MOV10: variants seen among roughly 807,000 people sequenced by gnomAD.
MOV10 encodes the protein RNA helicase MOV-10.
A neutral mutation model predicts 108.4 loss-of-function variants in MOV10; 39 were observed. The observed-to-expected ratio is 0.36, with a 90% CI of 0.28 to 0.47. The LOEUF (loss-of-function observed/expected upper bound fraction) is 0.47. Ranked by LOEUF, MOV10 falls within the 20% of genes least tolerant of loss-of-function variation. The probability of loss-of-function intolerance (pLI) is 1.00; values close to 1 mark genes in which losing one functional copy is unlikely to be tolerated. For missense variants in MOV10, 952 were observed against 1,297.6 expected (o/e 0.73, Z 4.09); for synonymous variants, 490 against 523.1 (o/e 0.94, Z 0.86).
rs573565391 is a variant in MOV10 at position 112,699,340 on chromosome 1, C to T, written c.2584-345C>T. The T allele has an allele frequency of 8.7e-4, 442 of 509,320 alleles. 2 individuals carry two copies. The highest frequency in any genetic ancestry group is 7.8e-3 in the African/African-American group (386 of 49,634). 31.6% of individuals were successfully genotyped at this position (509,320 alleles called of 1,614,324 possible). A position where few individuals can be genotyped will look rare whatever the true frequency, so the allele number is the denominator to read the frequency against. On this transcript the variant is annotated intron_variant, in intron 17 of 20. Coordinates refer to ENST00000369645, the MANE Select transcript of MOV10 (RefSeq NM_001321324.2). ...CTCTTGGAAATTCTGATCGGGGGTCCGGGTTAGGGCCCAGGGTTGTATATT... is the reference window on the plus strand; with the variant it reads ...CTCTTGGAAATTCTGATCGGGGGTCTGGGTTAGGGCCCAGGGTTGTATATT...
At chr1:112,697,923 G>A in intron 14 of MOV10, 71 bp from the exon 15 acceptor site, 1 of 1,293,416 alleles carries the variant, frequency 7.7e-7, no homozygotes, top group East Asian at 2.3e-5. Context: ...CCCAGAGTGG[G>A]TAGAGCGGAG....
intron 2 of MOV10, among the ~76,000 whole-genome samples, chr1:112,682,921 CTTTTTTT>C (rs36031191): frequency 1.5e-5 from 2 of 137,316 alleles, no homozygotes; most frequent in East Asian, 4.2e-4. Flanking sequence ...CTAGGAACAT[CTTTTTTT>C]TTTTTTTTTG....
intron 6 of MOV10, 21 bp from the exon 7 acceptor site, chr1:112,692,740 C>T (rs1673696197): frequency 6.2e-7 from 1 of 1,612,692 alleles, no homozygotes; most frequent in African/African-American, 1.3e-5. Flanking sequence ...CCCACTCACC[C>T]CTCCCAACCA....
intron 6 of MOV10, among the ~76,000 whole-genome samples, chr1:112,692,173 A>G (rs1296291972): frequency 1.3e-5 from 2 of 152,160 alleles, no homozygotes; most frequent in Non-Finnish European, 2.9e-5. Flanking sequence ...TCTACAAAAA[A>G]AAATTTTAAT....
rs1004975455 is a variant in MOV10, at chr1:112,698,650, C to G, written c.2509-65C>G. The stretch of plus-strand genomic sequence containing the variant: ...CTTTGTTCCCCAGCTCCCTGGCCTC[C>G]TGCCAGGCTCCCTCTTGCATTAGGT... On this transcript the variant is annotated intron_variant, in intron 16 of 20. Coordinates refer to ENST00000369645, the MANE Select transcript of MOV10 (RefSeq NM_001321324.2). The G allele has an allele frequency of 3.8e-5, 59 of 1,539,202 alleles. No individual in the cohort carries two copies. The South Asian group carries it at 6.1e-4, about 16-fold the overall frequency.
intron 19 of MOV10, 85 bp downstream of exon 19, chr1:112,700,067 G>A (rs1477393379): frequency 1.6e-5 from 25 of 1,582,290 alleles, no homozygotes; most frequent in South Asian, 1.3e-4. Flanking sequence ...CTTGCTTATC[G>A]CTCAGTTAAT....
intron 7 of MOV10, chr1:112,693,666 GTTT>G (rs56664526): frequency 1.5e-3 from 210 of 137,140 alleles, no homozygotes; most frequent in East Asian, 5.5e-3. Context: ...TGCCTGGTCC[GTTT>G]TTTTTTTTTT....
chr1:112,698,944 G>A (rs1349307590), intron 17 of MOV10, 155 bp downstream of exon 17: 2 of 680,646 alleles, frequency 2.9e-6, no homozygotes, highest in Non-Finnish European at 5.3e-6. Flanking sequence ...CTCACTCCTG[G>A]AGATTCCAAC....
At chr1:112,700,381 G>T in intron 20 of MOV10, 35 bp from the exon 21 acceptor site, 1 of 1,614,060 alleles carries the variant, frequency 6.2e-7, no homozygotes, top group African/African-American at 1.3e-5. Flanking sequence ...AGAGGAGGTG[G>T]TAAGGAAGAC....
At chr1:112,691,925 C>T in intron 6 of MOV10, 126 bp downstream of exon 6, 2 of 1,016,118 alleles carry the variant, frequency 2.0e-6, no homozygotes, top group Non-Finnish European at 1.4e-6. Context: ...TGAGCACGCA[C>T]CATACACCAA....
rs144122310 is a variant in MOV10, at chr1:112,699,741, C to T, written c.2640C>T (p.Thr880=). The change falls in exon 18 of 21, where the codon ACC becomes ACT. Residue 880 remains threonine (T), a synonymous_variant. Coordinates refer to ENST00000369645, the MANE Select transcript of MOV10 (RefSeq NM_001321324.2). ...AACGAAGCGTCATCCTCATCTCCAC[C>T]GTGCGAAGCAGCCAGAGCTTTGTGC... The part of the protein sequence containing the change: ...GQERSVILIS[T]VRSSQSFVQL... 29 of 1,614,090 alleles carry T rather than the reference C, an allele frequency of 1.8e-5. No individual in the cohort carries two copies. Among genetic ancestry groups the T allele is most frequent in the Middle Eastern group, 1.6e-4 (1 of 6,084 alleles).
At chr1:112,688,421 G>A (rs1673264543) in intron 2 of MOV10, 1 of 997,418 alleles carries the variant, frequency 1.0e-6, no homozygotes, top group Non-Finnish European at 1.2e-6. Flanking sequence ...GGAAACTGCT[G>A]TCTGATCAGC....
chr1:112,686,560 T>TG (rs1414147662), intron 2 of MOV10, among the ~76,000 whole-genome samples: 1 of 152,168 alleles, frequency 6.6e-6, no homozygotes, highest in African/African-American at 2.4e-5. Context: ...AACCACTACC[T>TG]GGGGACTCCC....
intron 5 of MOV10, 65 bp from the exon 6 acceptor site, chr1:112,691,600 G>A: frequency 1.3e-6 from 2 of 1,576,620 alleles, no homozygotes; most frequent in Non-Finnish European, 1.7e-6. Context: ...ATCCACCCCA[G>A]AGGGGCGTTC....
rs140079723 is a variant in MOV10, at chr1:112,674,948, G to A, written c.36G>A (p.Glu12=). The change falls in exon 2 of 21, where the codon GAG becomes GAA. Residue 12 remains glutamate, a synonymous_variant. Coordinates refer to ENST00000369645, the MANE Select transcript of MOV10 (RefSeq NM_001321324.2). ...AGTTCAGCTGCCGGCAGCTCCGGGA[G>A]GCGGGCCAGTGTTTCGAGAGTTTCC... ...PSKFSCRQLR[E]AGQCFESFLV... is the part of the protein sequence containing the mutation. 1.0e-5 allele frequency: 16 copies of A among 1,583,980 alleles called. No homozygotes were observed. The African/African-American group carries it at 1.9e-4, about 19-fold the overall frequency.
chr1:112,681,632 TAAAGA>T (rs1024689539), intron 2 of MOV10, among the ~76,000 whole-genome samples: 16 of 152,028 alleles, frequency 1.1e-4, no homozygotes, highest in Admixed American at 5.2e-4. Context: ...ATTTTAAACA[TAAAGA>T]AAAGTTGAAA....
In MOV10 at chr1:112,694,267, C is replaced by CG; in HGVS notation, c.1295+99dup. 6.6e-7 allele frequency: 1 copy of CG among 1,513,950 alleles called. No individual in the cohort carries two copies. The highest frequency in any genetic ancestry group is 1.4e-5 in the African/African-American group (1 of 72,490). 93.8% of individuals were successfully genotyped at this position (1,513,950 alleles called of 1,614,324 possible). On this transcript the variant is annotated intron_variant, in intron 8 of 20. Coordinates refer to ENST00000369645, the MANE Select transcript of MOV10 (RefSeq NM_001321324.2). This position sits in a 1 kb window ranked among gnomAD's most constrained non-coding sequence, Gnocchi z 4.1. ...TTTCTCCCTGAGATAAATGAGACCC[C>CG]GGGGCAGAGCAGGAGACTTTTCCTC...
Position 112,700,454 on chromosome 1 carries a change from G to A in MOV10, c.2959G>A (p.Gly987Ser). The A allele has an allele frequency of 1.2e-6, 2 of 1,613,888 alleles. No individual in the cohort carries two copies. The highest frequency in any genetic ancestry group is 2.2e-5 in the East Asian group (1 of 44,870). The change falls in exon 21 of 21, where the codon GGT becomes AGT. Residue 987 changes from glycine (G) to serine (S), a missense_variant. By Grantham distance (56) the Gly-to-Ser change is moderately conservative. This residue lies in a region of MOV10 where 42 missense variants were observed against 36.5 expected (regional missense o/e 1.15). Transcript: ENST00000369645. ...TGACTACCTCCCCCAGGAGCGGGAG[G>A]GTGAAGGGGGCCTGTCTCTGCAAGT... ...SHDYLPQERE[G>S]EGGLSLQVEP... is the part of the protein sequence containing the mutation.
intron 6 of MOV10, 62 bp from the exon 7 acceptor site, chr1:112,692,699 T>G (rs1258607407): frequency 6.3e-7 from 1 of 1,592,970 alleles, no homozygotes; most frequent in African/African-American, 1.3e-5. Flanking sequence ...CTCCTGGGCA[T>G]AGGGGTTGTC....
Sources: gnomAD v4.1 joint callset for allele counts (sites outside exome capture counted in the v4.1 genomes callset) on GRCh38, gnomAD v4.1.1 for gene constraint, gnomAD v4.1.1 regional missense constraint, Gnocchi (gnomAD v3.1) non-coding constraint, MANE v1.5 for transcripts, NCBI Gene and HGNC (gene_info 2026-07-23, HGNC 2026-07-21) for gene names.